PTPRD: variants seen among roughly 807,000 people sequenced by gnomAD.
PTPRD encodes the protein receptor-type tyrosine-protein phosphatase delta.
PTPRD carries 34 observed loss-of-function variants against 214.5 expected under a neutral mutation model. The observed-to-expected ratio is 0.16, with a 90% confidence interval of 0.12 to 0.21. The LOEUF (loss-of-function observed/expected upper bound fraction) is 0.21, where lower values mean the gene tolerates loss of function less well. Among genes scored for constraint, PTPRD ranks in the 10% least tolerant of loss-of-function variants. The pLI is 1.00. For synonymous variants in PTPRD, 1,128 were observed against 845.7 expected (o/e 1.33, Z -5.79); for missense variants, 2,545 against 2,398.7 (o/e 1.06, Z -1.27).
At chr9:10,595,905 C>G (rs1310941657) in intron 2 of PTPRD, among the ~76,000 whole-genome samples, 1 of 151,706 alleles carries the variant, frequency 6.6e-6, no homozygotes, top group African/African-American at 2.4e-5. Context: ...ATATCAAAGA[C>G]TGCGATCTAA....
chr9:8,874,827 G>A (rs2098364245), intron 11 of PTPRD, among the ~76,000 whole-genome samples: 1 of 152,200 alleles, frequency 6.6e-6, no homozygotes. Context: ...GCGGAGCCTG[G>A]CTCCTAGGAA....
At chr9:10,425,153 A>G (rs2098600820) in intron 2 of PTPRD, among the ~76,000 whole-genome samples, 1 of 152,016 alleles carries the variant, frequency 6.6e-6, no homozygotes, top group African/African-American at 2.4e-5. Flanking sequence ...TCCAGAGACC[A>G]GTGATAATGG....
intron 14 of PTPRD, among the ~76,000 whole-genome samples, chr9:8,531,941 G>C (rs192162839): frequency 6.6e-6 from 1 of 152,130 alleles, no homozygotes; most frequent in East Asian, 1.9e-4. Context: ...ACATTTTCAT[G>C]ACCTTTCTCT....
In PTPRD at chr9:8,839,990, G is replaced by C. The variant is rs1313917875; in HGVS notation, c.-103-106044C>G. On this transcript the variant is annotated intron_variant, in intron 11 of 45. Transcript: ENST00000381196. ...GAGTTAGAACAGTGTGTTGTTTTCA[G>C]ATAAAAGGATTATGAGCAAAAGGAC... Among the ~76,000 whole-genome samples the C allele has an allele frequency of 3.3e-5, 5 of 152,178 alleles. No individual in the cohort carries two copies. In the East Asian group the frequency reaches 9.6e-4, roughly 29 times the overall value.
At chr9:10,261,328 T>C (rs914054759) in intron 3 of PTPRD, among the ~76,000 whole-genome samples, 8 of 151,842 alleles carry the variant, frequency 5.3e-5, no homozygotes, top group African/African-American at 1.9e-4. Flanking sequence ...TGAAATAATA[T>C]ATGAGTTAAG....
chr9:9,748,563 G>C (rs1479956493), intron 6 of PTPRD, among the ~76,000 whole-genome samples: 1 of 152,186 alleles, frequency 6.6e-6, no homozygotes, highest in African/African-American at 2.4e-5. Flanking sequence ...AAGCAGGATG[G>C]TGTTTACCTC....
intron 4 of PTPRD, among the ~76,000 whole-genome samples, chr9:10,027,417 T>A (rs916694949): frequency 5.1e-4 from 77 of 152,284 alleles, no homozygotes; most frequent in African/African-American, 1.9e-3. Flanking sequence ...TGGCCCACTA[T>A]CATGGAGAGA....
chr9:8,929,729 A>ATGTGTATATATATATGTGTATATATATG (rs1567060254), intron 11 of PTPRD, among the ~76,000 whole-genome samples: 1 of 99,470 alleles, frequency 1.0e-5, no homozygotes, highest in African/African-American at 4.7e-5. Flanking sequence ...GTATATATAT[A>ATGTGTATATATATATGTGTATATATATG]TGTGTATATA....
At chr9:9,079,445 G>T (rs1325344759) in intron 10 of PTPRD, among the ~76,000 whole-genome samples, 3 of 152,010 alleles carry the variant, frequency 2.0e-5, no homozygotes, top group African/African-American at 7.2e-5. Context: ...CTTGGCTATT[G>T]TGAATAGAGC....
At chr9:10,423,836 G>T (rs937384984) in intron 2 of PTPRD, among the ~76,000 whole-genome samples, 10 of 151,936 alleles carry the variant, frequency 6.6e-5, no homozygotes, top group African/African-American at 2.2e-4. Flanking sequence ...CATGTTTTTA[G>T]GTTTGGGATG....
At chr9:10,255,255 A>T (rs2093157958) in intron 3 of PTPRD, among the ~76,000 whole-genome samples, 1 of 151,644 alleles carries the variant, frequency 6.6e-6, no homozygotes, top group Non-Finnish European at 1.5e-5. Flanking sequence ...TGTGAACATC[A>T]TAGAGTGCTT....
At chr9:8,810,704 T>C (rs983871270) in intron 11 of PTPRD, among the ~76,000 whole-genome samples, 1 of 152,192 alleles carries the variant, frequency 6.6e-6, no homozygotes, top group Non-Finnish European at 1.5e-5. Context: ...TATTTGAATT[T>C]TGGTTACCCT....
chr9:9,383,487 A>T (rs755230473), intron 9 of PTPRD, among the ~76,000 whole-genome samples: 1 of 152,118 alleles, frequency 6.6e-6, no homozygotes, highest in Non-Finnish European at 1.5e-5. Flanking sequence ...AAATATCACC[A>T]ACTTGCTCTT....
At chr9:9,621,026 G>A (rs1328491748) in intron 7 of PTPRD, among the ~76,000 whole-genome samples, 1 of 152,144 alleles carries the variant, frequency 6.6e-6, no homozygotes, top group Non-Finnish European at 1.5e-5. Flanking sequence ...TTGTGTTGGT[G>A]TCTCTGGGCA....
chr9:9,067,496 G>C (rs917733416), intron 10 of PTPRD, among the ~76,000 whole-genome samples: 1 of 152,114 alleles, frequency 6.6e-6, no homozygotes, highest in Non-Finnish European at 1.5e-5. Flanking sequence ...CTATTCAAGT[G>C]TACCTCTTCC....
At chr9:10,275,938 G>C (rs1190982636) in intron 3 of PTPRD, among the ~76,000 whole-genome samples, 4 of 152,142 alleles carry the variant, frequency 2.6e-5, no homozygotes, top group Non-Finnish European at 4.4e-5. Context: ...GGATAATTCT[G>C]AATGAGTGAC....
intron 3 of PTPRD, among the ~76,000 whole-genome samples, chr9:10,304,811 T>C (rs2096002503): frequency 2.6e-5 from 4 of 151,960 alleles, no homozygotes. Flanking sequence ...AAGAATCAAT[T>C]CATGAAAATG....
chr9:10,596,924 A>G (rs780619445), intron 2 of PTPRD, among the ~76,000 whole-genome samples: 1 of 151,616 alleles, frequency 6.6e-6, no homozygotes, highest in Non-Finnish European at 1.5e-5. Context: ...TAGTATATGT[A>G]ATTTTCCCAA....
chr9:9,842,886 G>T (rs1271594979), intron 5 of PTPRD, among the ~76,000 whole-genome samples: 1 of 151,802 alleles, frequency 6.6e-6, no homozygotes, highest in Non-Finnish European at 1.5e-5. Context: ...TAGTACTTGT[G>T]ATATTCTATA....
Sources: gnomAD v4.1 joint callset for allele counts (sites outside exome capture counted in the v4.1 genomes callset) on GRCh38, gnomAD v4.1.1 for gene constraint, MANE v1.5 for transcripts, NCBI Gene and HGNC (gene_info 2026-07-23, HGNC 2026-07-21) for gene names.